The following TBC1D1 variants were observed in gnomAD, a reference collection of about 807,000 sequenced individuals.
TBC1D1 encodes TBC1 domain family member 1, also known as TBC1 (tre-2/USP6, BUB2, cdc16) domain family, member 1.
A neutral mutation model predicts 125.6 loss-of-function variants in TBC1D1; 89 were observed. That is an observed-to-expected ratio of 0.71 (90% CI 0.60 to 0.85). TBC1D1 has a LOEUF of 0.85. Ranked by LOEUF, TBC1D1 falls within the 40% of genes least tolerant of loss-of-function variation. TBC1D1 has a pLI of 0.00. For missense variants in TBC1D1, 1,377 were observed against 1,469.2 expected (o/e 0.94, Z 1.03); for synonymous variants, 565 against 564.1 (o/e 1.00, Z -0.02).
At chr4:38,060,884 G>A (rs541087896) in intron 12 of TBC1D1, among the ~76,000 whole-genome samples, 8 of 152,328 alleles carry the variant, frequency 5.3e-5, no homozygotes, top group African/African-American at 1.9e-4. Context: ...TCCACTGTGA[G>A]GAGGCAGGGC....
intron 2 of TBC1D1, among the ~76,000 whole-genome samples, chr4:37,944,652 T>G (rs1033969406): frequency 6.6e-6 from 1 of 152,172 alleles, no homozygotes; most frequent in South Asian, 2.1e-4. Flanking sequence ...GGACATAATC[T>G]CCTGGTGTGC....
intron 1 of TBC1D1, among the ~76,000 whole-genome samples, chr4:37,898,152 G>T (rs909918536): frequency 6.6e-6 from 1 of 152,190 alleles, no homozygotes; most frequent in Non-Finnish European, 1.5e-5. Flanking sequence ...TTCAGAAAAG[G>T]TTTAAAATTT....
chr4:38,052,619 GC>G (rs1043003475), intron 11 of TBC1D1, among the ~76,000 whole-genome samples: 9 of 152,078 alleles, frequency 5.9e-5, no homozygotes, highest in African/African-American at 2.2e-4. Flanking sequence ...ACAGGTGTGA[GC>G]CACTGCACCC....
chr4:37,908,291 T>G (rs1371278431), intron 2 of TBC1D1, among the ~76,000 whole-genome samples: 1 of 152,096 alleles, frequency 6.6e-6, no homozygotes, highest in Non-Finnish European at 1.5e-5. Flanking sequence ...CTGCAACCTC[T>G]GCCTACCGGG....
At chr4:37,985,828 A>G (rs992210205) in intron 2 of TBC1D1, among the ~76,000 whole-genome samples, 2 of 152,192 alleles carry the variant, frequency 1.3e-5, no homozygotes, top group Admixed American at 6.5e-5. Context: ...TTAATGTGAT[A>G]TATGCACGAA....
chr4:38,138,141 AT>A lies in TBC1D1; in HGVS notation c.*807del, dbSNP rs1332287913. The A allele has an allele frequency of 6.6e-6, 1 of 152,144 alleles. No homozygotes were observed. Among genetic ancestry groups the A allele is most frequent in the African/African-American group, 2.4e-5 (1 of 41,402 alleles). 9.4% of individuals were successfully genotyped at this position (152,144 alleles called of 1,614,324 possible). ...AAGGAAGTTTGTCTTTAAAAAAAAAATAGAGTGTTTTCATACATTTTTGCTT... is the reference window on the plus strand; with the variant it reads ...AAGGAAGTTTGTCTTTAAAAAAAAAAAGAGTGTTTTCATACATTTTTGCTT... On this transcript the variant is annotated 3_prime_UTR_variant, in exon 20 of 20. Coordinates refer to ENST00000261439, the MANE Select transcript of TBC1D1 (RefSeq NM_015173.4).
At chr4:37,952,266 T>G in intron 2 of TBC1D1, 1 of 560,752 alleles carries the variant, frequency 1.8e-6, no homozygotes, top group Non-Finnish European at 3.2e-6. Flanking sequence ...ATTTTAGATT[T>G]TTTACTTTTC....
chr4:38,047,221 G>A (rs998410390), intron 10 of TBC1D1, among the ~76,000 whole-genome samples: 1 of 152,180 alleles, frequency 6.6e-6, no homozygotes, highest in Admixed American at 6.5e-5. Flanking sequence ...TCCTTAGATG[G>A]ATGAGTGCTT....
intron 19 of TBC1D1, among the ~76,000 whole-genome samples, chr4:38,135,240 A>G (rs956005978): frequency 8.5e-5 from 13 of 152,184 alleles, no homozygotes; most frequent in African/African-American, 3.1e-4. Flanking sequence ...AAATATCAAA[A>G]TCCCATTTCA....
rs547785721 is a variant in TBC1D1 at position 38,138,643 on chromosome 4, T to G, written c.*1308T>G. The G allele has an allele frequency of 8.7e-4, 133 of 152,802 alleles. No homozygotes were observed. The highest frequency in any genetic ancestry group is 3.0e-3 in the African/African-American group (126 of 41,584). The allele number at this position is 152,802 out of a possible 1,614,324, so 9.5% of individuals were successfully genotyped here. ...TGTGTAAAGCCTCTCTGATGTGCAC[T>G]TAAGAGTGGGTTGCTTTCTCACAAA... On this transcript the variant is annotated 3_prime_UTR_variant, in exon 20 of 20. Transcript: ENST00000261439.
At chr4:38,106,605 C>T (rs1761337478) in intron 15 of TBC1D1, among the ~76,000 whole-genome samples, 1 of 152,190 alleles carries the variant, frequency 6.6e-6, no homozygotes, top group South Asian at 2.1e-4. Flanking sequence ...AGCCCCGCTC[C>T]CCACACTTGC....
intron 12 of TBC1D1, among the ~76,000 whole-genome samples, chr4:38,057,900 A>G (rs988272819): frequency 6.6e-6 from 1 of 152,166 alleles, no homozygotes; most frequent in Non-Finnish European, 1.5e-5. Flanking sequence ...AACTGTGCAC[A>G]GCACTGGGCT....
chr4:38,020,512 G>T, intron 4 of TBC1D1, 79 bp from the exon 5 acceptor site: 1 of 1,125,406 alleles, frequency 8.9e-7, no homozygotes, highest in Non-Finnish European at 1.3e-6. Context: ...AAATTGTGCT[G>T]TATAAATCTT....
intron 9 of TBC1D1, 54 bp downstream of exon 9, chr4:38,044,544 A>G: frequency 6.5e-7 from 1 of 1,543,110 alleles, no homozygotes; most frequent in East Asian, 2.3e-5. Flanking sequence ...AGGAGAGTGT[A>G]AGATTGAGTT....
chr4:38,011,375 G>T (rs1232769905), intron 2 of TBC1D1, among the ~76,000 whole-genome samples: 2 of 149,132 alleles, frequency 1.3e-5, no homozygotes, highest in Non-Finnish European at 3.0e-5. Flanking sequence ...AAAAGAAAAA[G>T]AAAAAAAGAA....
intron 2 of TBC1D1, among the ~76,000 whole-genome samples, chr4:37,944,316 C>T (rs1366228316): frequency 2.0e-5 from 3 of 152,304 alleles, no homozygotes; most frequent in African/African-American, 7.2e-5. Flanking sequence ...TGTCCGTTCT[C>T]AGATCTCCAG....
intron 2 of TBC1D1, among the ~76,000 whole-genome samples, chr4:37,956,946 A>G (rs1454493694): frequency 9.6e-5 from 13 of 135,866 alleles, no homozygotes; most frequent in African/African-American, 3.0e-4. Context: ...CTCAAAAGAA[A>G]AAAAAAAAAA....
intron 2 of TBC1D1, among the ~76,000 whole-genome samples, chr4:37,931,299 G>C (rs1049926830): frequency 6.6e-6 from 1 of 151,730 alleles, no homozygotes; most frequent in Non-Finnish European, 1.5e-5. Flanking sequence ...GTTTTGCTGT[G>C]TTGGCCAGGC....
intron 12 of TBC1D1, among the ~76,000 whole-genome samples, chr4:38,078,130 A>C (rs1204545816): frequency 6.6e-6 from 1 of 152,188 alleles, no homozygotes; most frequent in African/African-American, 2.4e-5. Context: ...ATTCAAAAGA[A>C]AGGACAGCTC....
Sources: allele counts gnomAD v4.1 joint callset (sites outside exome capture counted in the v4.1 genomes callset), GRCh38; gene constraint gnomAD v4.1.1; transcripts MANE v1.5; gene names NCBI Gene and HGNC (gene_info 2026-07-23, HGNC 2026-07-21).